Variants in C10orf143 observed in about 807,000 individuals in gnomAD.
C10orf143 encodes the protein uncharacterized protein C10orf143.
intron 1 of C10orf143, among the ~76,000 whole-genome samples, chr10:130,109,138 C>G (rs1438788375): frequency 6.6e-6 from 1 of 152,200 alleles, no homozygotes; most frequent in Non-Finnish European, 1.5e-5. Flanking sequence ...CTCTCTTGTG[C>G]AAACCTCTGC....
chr10:130,084,580 A>G (rs682611), intron 1 of C10orf143, among the ~76,000 whole-genome samples: 89,510 of 151,948 alleles, frequency 0.59, 27,267 homozygotes, highest in Admixed American at 0.7. Context: ...TAGAATTTTT[A>G]ATACATATCC....
chr10:130,044,710 T>G (rs1235734017), intron 3 of C10orf143, among the ~76,000 whole-genome samples: 1 of 152,056 alleles, frequency 6.6e-6, no homozygotes, highest in Admixed American at 6.6e-5. Context: ...GGAAGGGAAA[T>G]CATGAACCAG....
chr10:130,072,711 A>C (rs903836244), intron 3 of C10orf143, among the ~76,000 whole-genome samples: 9 of 152,244 alleles, frequency 5.9e-5, no homozygotes, highest in African/African-American at 2.2e-4. Context: ...AGAACACTGC[A>C]ATAAAGTGAG....
At chr10:130,036,701 A>G (rs1589998681) in intron 3 of C10orf143, among the ~76,000 whole-genome samples, 1 of 152,202 alleles carries the variant, frequency 6.6e-6, no homozygotes, top group East Asian at 1.9e-4. Context: ...AAAGTGTCCA[A>G]GGTTCCCAAA....
rs190801900 is a variant in C10orf143 at position 130,040,982 on chromosome 10, A to G, written c.298-5012T>C. On this transcript the variant is annotated intron_variant and NMD_transcript_variant, in intron 3 of 5. Coordinates refer to the C10orf143 transcript ENST00000643056. ...GAACCGGCATGGGAAGGGACACTGG[A>G]TCTTAGTGAGGGCCCCCGCCACCGG... Among the ~76,000 whole-genome samples, 997 of 152,148 alleles carry G rather than the reference A, an allele frequency of 6.6e-3. 10 individuals are homozygous for G. The highest frequency in any genetic ancestry group is 0.023 in the African/African-American group (944 of 41,516).
downstream of C10orf143, among the ~76,000 whole-genome samples, chr10:130,059,621 T>A (rs1172337761): frequency 6.6e-6 from 1 of 152,144 alleles, no homozygotes; most frequent in African/African-American, 2.4e-5. Context: ...AGCTTCTACA[T>A]CAACTACCAA....
intron 1 of C10orf143, among the ~76,000 whole-genome samples, chr10:130,097,718 T>A (rs978710304): frequency 6.6e-6 from 1 of 151,140 alleles, no homozygotes; most frequent in African/African-American, 2.4e-5. Flanking sequence ...TGGAATATTA[T>A]ACAGCCATAA....
intron 1 of C10orf143, among the ~76,000 whole-genome samples, chr10:130,102,629 T>A (rs1355580357): frequency 6.6e-6 from 1 of 152,204 alleles, no homozygotes; most frequent in East Asian, 1.9e-4. Context: ...TATCTATCAA[T>A]TTTTGTGAGA....
At chr10:130,059,930 T>A (rs1860836086), downstream of C10orf143, among the ~76,000 whole-genome samples, 1 of 152,148 alleles carries the variant, frequency 6.6e-6, no homozygotes, top group Non-Finnish European at 1.5e-5. Context: ...TACTGTAAAT[T>A]GTGTGTTAGG....
chr10:130,074,177 G>A (rs1861077400), intron 3 of C10orf143, among the ~76,000 whole-genome samples: 1 of 152,224 alleles, frequency 6.6e-6, no homozygotes, highest in African/African-American at 2.4e-5. Flanking sequence ...AGCAGAGGGG[G>A]CTCCAAGCAG....
At position 130,107,607 on chromosome 10, in the gene C10orf143, C is replaced by A. The variant is rs756944374; in HGVS notation, c.69+3097G>T. ...GAGCATTCCCCATATGGTCCCTCAT[C>A]ATTGGGTCGGCCTTCATCTGAAACG... is the stretch of plus-strand genomic sequence containing the variant. On this transcript the variant is annotated intron_variant, in intron 1 of 3. Coordinates refer to ENST00000637128, the MANE Select transcript of C10orf143 (RefSeq NM_001355042.2). 1.3e-5 allele frequency: 18 copies of A among 1,343,744 alleles called. No individual in the cohort carries two copies. In the African/African-American group the frequency reaches 1.4e-4, roughly 11 times the overall value. 83.2% of individuals were successfully genotyped at this position (1,343,744 alleles called of 1,614,324 possible).
At position 130,054,912 on chromosome 10, in the gene C10orf143, T is replaced by C. The variant is rs78952297; in HGVS notation, c.298-18942A>G. Among the ~76,000 whole-genome samples the C allele has an allele frequency of 3.9e-3, 596 of 152,290 alleles. 5 individuals are homozygous for C. The highest frequency in any genetic ancestry group is 6.2e-3 in the Non-Finnish European group (422 of 68,016). The stretch of plus-strand genomic sequence containing the variant: ...GTCAAGAAATAAATCCAACCATATA[T>C]GGTCAACTGCTCTTCAATAAGGGTG... On this transcript the variant is annotated intron_variant and NMD_transcript_variant, in intron 3 of 5. Transcript: ENST00000643056.
intron 3 of C10orf143, among the ~76,000 whole-genome samples, chr10:130,037,818 A>T (rs1275293996): frequency 6.6e-6 from 1 of 152,196 alleles, no homozygotes. Flanking sequence ...GGGGGTCCGG[A>T]TCTTCAAATA....
At chr10:130,100,646 A>C (rs1861534153) in intron 1 of C10orf143, among the ~76,000 whole-genome samples, 1 of 151,808 alleles carries the variant, frequency 6.6e-6, no homozygotes, top group South Asian at 2.1e-4. Flanking sequence ...TTAAAAGATA[A>C]AAATCAAATG....
In C10orf143 at chr10:130,065,389, G is replaced by A. The variant is rs749817315; in HGVS notation, c.298-1006C>T. Reference sequence around the variant, plus strand: ...AAGACAGGAATCTCGGGTGGGCCACGAAGGAGCAAGAGAATCTTTGGAGGT... The same window carrying A: ...AAGACAGGAATCTCGGGTGGGCCACAAAGGAGCAAGAGAATCTTTGGAGGT... On this transcript the variant is annotated intron_variant, in intron 3 of 3. Coordinates refer to ENST00000637128, the MANE Select transcript of C10orf143 (RefSeq NM_001355042.2). The surrounding 1 kb of genome is among the most constrained non-coding windows in gnomAD (Gnocchi z 4.2). 2 of 152,310 alleles carry A rather than the reference G, an allele frequency of 1.3e-5. No homozygotes were observed. The highest frequency in any genetic ancestry group is 2.9e-5 in the Non-Finnish European group (2 of 68,166). 9.4% of individuals were successfully genotyped at this position (152,310 alleles called of 1,614,324 possible). A position where few individuals can be genotyped will look rare whatever the true frequency, so the allele number is the denominator to read the frequency against.
chr10:130,066,718 A>T (rs1275696393), intron 3 of C10orf143: 1 of 152,290 alleles, frequency 6.6e-6, no homozygotes, highest in African/African-American at 2.4e-5. Flanking sequence ...TCTCAAAGCA[A>T]GCAGCCCCCA....
chr10:130,104,627 CACAAT>C (rs1471196155), intron 1 of C10orf143: 1 of 152,164 alleles, frequency 6.6e-6, no homozygotes, highest in African/African-American at 2.4e-5. Flanking sequence ...AAGACTAGGA[CACAAT>C]ACAACATAAA....
At chr10:130,040,560 G>C (rs1413842456) in intron 3 of C10orf143, among the ~76,000 whole-genome samples, 2 of 152,250 alleles carry the variant, frequency 1.3e-5, no homozygotes, top group African/African-American at 4.8e-5. Context: ...CAAGAGAGTA[G>C]AATGGGACGG....
intron 1 of C10orf143, among the ~76,000 whole-genome samples, chr10:130,096,462 A>T (rs902307891): frequency 4.0e-5 from 6 of 151,384 alleles, no homozygotes; most frequent in African/African-American, 1.5e-4. Context: ...AAAGATTATA[A>T]ATCATTCTAC....
Sources: allele counts gnomAD v4.1 joint callset (sites outside exome capture counted in the v4.1 genomes callset), GRCh38; gene constraint gnomAD v4.1.1; non-coding constraint Gnocchi (gnomAD v3.1); transcripts MANE v1.5; gene names NCBI Gene and HGNC (gene_info 2026-07-23, HGNC 2026-07-21).